Variants in SERPINB13 observed in about 807,000 individuals in gnomAD.
The protein encoded by SERPINB13 is serpin B13.
In SERPINB13, 26 loss-of-function variants were observed where a neutral mutation model predicts 31.2. The ratio of observed to expected loss-of-function variants is 0.83; its 90% confidence interval spans 0.61 to 1.15. The LOEUF (loss-of-function observed/expected upper bound fraction) is 1.15. Among genes scored for constraint, SERPINB13 ranks in the 50% most tolerant of loss-of-function variants. The pLI is 0.00. For missense variants in SERPINB13, 510 were observed against 469.4 expected, an observed-to-expected ratio of 1.09 and a Z score of -0.80; for synonymous variants, 191 against 172.4, an observed-to-expected ratio of 1.11 and a Z score of -0.85.
In SERPINB13 at chr18:63,592,444, C is replaced by T. The variant is rs1911909912; in HGVS notation, c.322C>T (p.Leu108=). 1.2e-6 allele frequency: 2 copies of T among 1,613,054 alleles called. No individual in the cohort carries two copies. The highest frequency in any genetic ancestry group is 1.7e-6 in the Non-Finnish European group (2 of 1,179,640). ...TTATGAACTGAACATAACCAACAGGCTGTTTGGAGAAAAAACATACCTCTT... is the reference window on the plus strand; with the variant it reads ...TTATGAACTGAACATAACCAACAGGTTGTTTGGAGAAAAAACATACCTCTT... ...NDYELNITNR[L]FGEKTYLFLQ... Residue 108 remains leucine (L), a synonymous_variant, in exon 4 of 8, where the codon CTG becomes TTG. Transcript: ENST00000344731.
chr18:63,591,876 G>T (rs952610568), intron 3 of SERPINB13, among the ~76,000 whole-genome samples: 2 of 151,956 alleles, frequency 1.3e-5, no homozygotes, highest in African/African-American at 2.4e-5. Context: ...CTGGAGACAA[G>T]GATAAATCTC....
intron 5 of SERPINB13, 49 bp downstream of exon 5, chr18:63,593,020 C>G (rs2144400731): frequency 8.1e-7 from 1 of 1,232,216 alleles, no homozygotes; most frequent in Admixed American, 2.0e-5. Context: ...AACAAAGAAA[C>G]AAACAAACAA....
chr18:63,589,869 A>C lies in SERPINB13; in HGVS notation c.225+154A>C. 3 of 1,413,018 alleles carry C rather than the reference A, an allele frequency of 2.1e-6. No individual in the cohort carries two copies. In the East Asian group the frequency reaches 7.5e-5, roughly 35 times the overall value. The allele number at this position is 1,413,018 out of a possible 1,614,324, so 87.5% of individuals were successfully genotyped here. On this transcript the variant is annotated intron_variant, in intron 3 of 7. Transcript: ENST00000344731. The stretch of plus-strand genomic sequence containing the variant: ...ACTATTAAGCAATAATAATCACCAT[A>C]GACAAATATTGTTGTAAGGATTATA...
intron 2 of SERPINB13, among the ~76,000 whole-genome samples, chr18:63,589,178 A>T (rs1357026359): frequency 6.6e-6 from 1 of 152,196 alleles, no homozygotes; most frequent in Non-Finnish European, 1.5e-5. Flanking sequence ...CGAGTTCCTT[A>T]GAAAAAAATT....
chr18:63,589,943 A>C, intron 3 of SERPINB13: 4 of 813,656 alleles, frequency 4.9e-6, no homozygotes, highest in Non-Finnish European at 7.2e-6. Context: ...GGTGTAATGG[A>C]CAATACCGCT....
In SERPINB13 at chr18:63,593,016, GAAAC is replaced by G. The variant is rs757922754; in HGVS notation, c.472+57_472+60del. The G allele has an allele frequency of 1.8e-4, 232 of 1,270,106 alleles. No individual in the cohort carries two copies. The African/African-American group carries it at 2.5e-3, about 14-fold the overall frequency. The allele number at this position is 1,270,106 out of a possible 1,614,324, so 78.7% of individuals were successfully genotyped here. On this transcript the variant is annotated intron_variant, in intron 5 of 7. Coordinates refer to ENST00000344731, the MANE Select transcript of SERPINB13 (RefSeq NM_012397.4). ...TTCATTGCAAAAAAACAAAAACAAAGAAACAAACAAACAAAAAACACTTCTTGAC... is the reference window on the plus strand; with the variant it reads ...TTCATTGCAAAAAAACAAAAACAAAGAAACAAACAAAAAACACTTCTTGAC...
chr18:63,588,873 A>G, intron 2 of SERPINB13, 41 bp downstream of exon 2: 6 of 1,521,818 alleles, frequency 3.9e-6, no homozygotes, highest in East Asian at 2.4e-5. Flanking sequence ...CCTATGCACA[A>G]ATTCATTTGG....
chr18:63,589,264 A>G (rs2144387963), intron 2 of SERPINB13, among the ~76,000 whole-genome samples: 1 of 152,296 alleles, frequency 6.6e-6, no homozygotes, highest in South Asian at 2.1e-4. Flanking sequence ...CAGGTGATCC[A>G]CACGCCTTGG....
In SERPINB13 at chr18:63,592,469, T is replaced by C; in HGVS notation, c.347T>C (p.Phe116Ser). ...NRLFGEKTYL[F>S]LQKYLDYVEK... is the part of the protein sequence containing the mutation. ...CTGTTTGGAGAAAAAACATACCTCT[T>C]CCTTCAAGTAAGTTTGCCATGCCTA... is the stretch of plus-strand genomic sequence containing the variant. The change falls in exon 4 of 8, where the codon TTC (phenylalanine) becomes TCC (serine). Residue 116 changes from phenylalanine to serine, a missense_variant. Physicochemically the swap from Phe to Ser is radical, Grantham distance 155. Coordinates refer to ENST00000344731, the MANE Select transcript of SERPINB13 (RefSeq NM_012397.4). The C allele has an allele frequency of 6.2e-7, 1 of 1,613,262 alleles. No individual in the cohort carries two copies. The highest frequency in any genetic ancestry group is 8.5e-7 in the Non-Finnish European group (1 of 1,179,690).
Position 63,597,446 on chromosome 18 carries a change from T to C in SERPINB13, c.*83T>C. ...ATATGATTATGAAAATCGTCCATTC[T>C]TTTAAATGTTGTCTCACTTGCATTT... is the stretch of plus-strand genomic sequence containing the variant. On this transcript the variant is annotated 3_prime_UTR_variant, in exon 8 of 8. Coordinates refer to ENST00000344731, the MANE Select transcript of SERPINB13 (RefSeq NM_012397.4). 2 of 1,404,518 alleles carry C rather than the reference T, an allele frequency of 1.4e-6. No individual in the cohort carries two copies. The highest frequency in any genetic ancestry group is 2.7e-5 in the South Asian group (2 of 72,856). The allele number at this position is 1,404,518 out of a possible 1,614,324, so 87.0% of individuals were successfully genotyped here.
intron 7 of SERPINB13, among the ~76,000 whole-genome samples, chr18:63,596,757 G>A (rs1246427873): frequency 6.6e-6 from 1 of 152,062 alleles, no homozygotes; most frequent in Non-Finnish European, 1.5e-5. Context: ...AATGCTATTG[G>A]ATTTCCACAT....
chr18:63,594,438 C>T lies in SERPINB13; in HGVS notation c.556C>T (p.Gln186Ter). 1 of 1,614,032 alleles carries T rather than the reference C, an allele frequency of 6.2e-7. No individual in the cohort carries two copies. The highest frequency in any genetic ancestry group is 1.3e-5 in the African/African-American group (1 of 75,000). The part of the protein sequence containing the change: ...VLVNMVYFKG[Q>*]WDREFKKENT... ...GGTGAACATGGTTTATTTTAAAGGG[C>T]AATGGGACAGGGAGTTTAAGAAAGA... The change falls in exon 6 of 8, where the codon CAA becomes TAA. Residue 186 changes from glutamine (Q) to a stop codon, truncating the protein, a stop_gained. Transcript: ENST00000344731. LOFTEE classifies it high-confidence loss of function.
At chr18:63,595,637 C>A (rs3901513) in intron 7 of SERPINB13, among the ~76,000 whole-genome samples, 3 of 152,118 alleles carry the variant, frequency 2.0e-5, no homozygotes, top group African/African-American at 7.2e-5. Flanking sequence ...TGGTGGCTCA[C>A]GCCTGTAATC....
Position 63,597,088 on chromosome 18 carries a change from G to C in SERPINB13, c.901G>C (p.Ala301Pro). Residue 301 changes from alanine to proline, a missense_variant, in exon 8 of 8, where the codon GCT becomes CCT. Coordinates refer to ENST00000344731, the MANE Select transcript of SERPINB13 (RefSeq NM_012397.4). ...CGGTTACGATCTAGAGGCGGTCCTG[G>C]CTGCCATGGGGATGGGCGATGCCTT... ...EDGYDLEAVL[A>P]AMGMGDAFSE... is the part of the protein sequence containing the mutation. 6.2e-7 allele frequency: 1 copy of C among 1,614,206 alleles called. No individual in the cohort carries two copies. The highest frequency in any genetic ancestry group is 1.3e-5 in the African/African-American group (1 of 75,060).
intron 3 of SERPINB13, among the ~76,000 whole-genome samples, chr18:63,590,903 AG>A (rs1911811507): frequency 6.6e-6 from 1 of 152,206 alleles, no homozygotes; most frequent in African/African-American, 2.4e-5. Flanking sequence ...CTCATTTAAT[AG>A]TTTGCCCAGA....
At position 63,597,367 on chromosome 18, in the gene SERPINB13, G is replaced by T. The variant is rs199761522; in HGVS notation, c.*4G>T. ...CGGCAGATTTTCTTCTCCTTAAGAT[G>T]ATCGTTGCCATGGCATTGCTGCTTT... On this transcript the variant is annotated 3_prime_UTR_variant, in exon 8 of 8. Coordinates refer to ENST00000344731, the MANE Select transcript of SERPINB13 (RefSeq NM_012397.4). 2 of 1,600,860 alleles carry T rather than the reference G, an allele frequency of 1.2e-6. No homozygotes were observed. Among genetic ancestry groups the T allele is most frequent in the Non-Finnish European group, 8.5e-7 (1 of 1,171,454 alleles).
chr18:63,590,489 G>C (rs1361667760), intron 3 of SERPINB13, among the ~76,000 whole-genome samples: 1 of 152,186 alleles, frequency 6.6e-6, no homozygotes, highest in East Asian at 1.9e-4. Context: ...TAGGTCGTGT[G>C]GGTGGCTCAG....
chr18:63,588,943 C>A, intron 2 of SERPINB13, 111 bp downstream of exon 2: 1 of 1,159,420 alleles, frequency 8.6e-7, no homozygotes, highest in Non-Finnish European at 1.2e-6. Flanking sequence ...GACCTGTGGA[C>A]CAGGAAACAG....
At chr18:63,594,160 T>C (rs546992070) in intron 5 of SERPINB13, 195 bp from the exon 6 acceptor site, 2 of 1,492,548 alleles carry the variant, frequency 1.3e-6, no homozygotes, top group East Asian at 5.5e-5. Context: ...ATTTATCCAC[T>C]GGGATAAATA....
Sources: gnomAD v4.1 joint callset for allele counts (sites outside exome capture counted in the v4.1 genomes callset) on GRCh38, gnomAD v4.1.1 for gene constraint, MANE v1.5 for transcripts, NCBI Gene and HGNC (gene_info 2026-07-23, HGNC 2026-07-21) for gene names.